IQCM: variants seen among roughly 807,000 people sequenced by gnomAD.
The protein encoded by IQCM is IQ domain-containing protein M.
Under a neutral mutation model 57.6 loss-of-function variants are expected in IQCM, and 45 were observed. The ratio of observed to expected loss-of-function variants is 0.78; its 90% confidence interval spans 0.62 to 1.00. IQCM has a LOEUF of 1.00. IQCM is among the 50% of genes least tolerant of loss of function. The probability of loss-of-function intolerance (pLI) is 0.00; values close to 1 mark genes in which losing one functional copy is unlikely to be tolerated. For missense variants in IQCM, 468 were observed against 511.6 expected (o/e 0.91, Z 0.82); for synonymous variants, 148 against 158.9 (o/e 0.93, Z 0.51).
chr4:149,756,456 C>G (rs1325211007), intron 2 of IQCM, among the ~76,000 whole-genome samples: 1 of 151,978 alleles, frequency 6.6e-6, no homozygotes, highest in Admixed American at 6.6e-5. Flanking sequence ...CAAAGACTTT[C>G]CAAAATACTA....
chr4:149,508,673 G>T (rs1195319169), intron 12 of IQCM, among the ~76,000 whole-genome samples: 1 of 152,220 alleles, frequency 6.6e-6, no homozygotes, highest in African/African-American at 2.4e-5. Flanking sequence ...CCTTGCCTCA[G>T]ATGAGACTTT....
At chr4:149,368,878 GTGTA>G (rs1292838091) in intron 13 of IQCM, among the ~76,000 whole-genome samples, 5 of 40,176 alleles carry the variant, frequency 1.2e-4, no homozygotes, top group Non-Finnish European at 2.1e-4. Context: ...ATATATACAC[GTGTA>G]TATATATGTA....
intron 12 of IQCM, among the ~76,000 whole-genome samples, chr4:149,513,579 T>A (rs1001551849): frequency 2.6e-5 from 4 of 152,188 alleles, no homozygotes; most frequent in African/African-American, 9.6e-5. Flanking sequence ...CAACTCATAG[T>A]GTTAATGAAA....
chr4:149,536,933 G>T (rs149672117), intron 12 of IQCM, among the ~76,000 whole-genome samples: 2 of 151,936 alleles, frequency 1.3e-5, no homozygotes, highest in East Asian at 3.9e-4. Context: ...AAAAGTTGTC[G>T]ACACCACTGC....
Position 149,621,909 on chromosome 4 carries a change from C to T in IQCM, c.566-665G>A, listed in dbSNP as rs919476963. 1.9e-4 allele frequency among the ~76,000 whole-genome samples: 29 copies of T among 152,106 alleles called. 1 individual carries two copies. The highest frequency in any genetic ancestry group is 1.2e-3 in the Admixed American group (19 of 15,280). ...AGGAAATTCAGTTCAATCCTGCCAT[C>T]GAAATGAATCAAACTATTTTCATAT... On this transcript the variant is annotated intron_variant, in intron 7 of 13. Transcript: ENST00000636793.
At chr4:149,623,946 T>G (rs1756570173) in intron 7 of IQCM, among the ~76,000 whole-genome samples, 2 of 152,216 alleles carry the variant, frequency 1.3e-5, no homozygotes, top group African/African-American at 4.8e-5. Context: ...GTAGCTAGTG[T>G]TGAACATAAA....
chr4:149,735,344 A>C, intron 4 of IQCM, 32 bp downstream of exon 4: 1 of 1,133,084 alleles, frequency 8.8e-7, no homozygotes, highest in Non-Finnish European at 1.1e-6. Context: ...AAAATTTTAA[A>C]ATGTAACATT....
chr4:149,609,992 C>T (rs1755134716), intron 8 of IQCM, among the ~76,000 whole-genome samples: 1 of 151,706 alleles, frequency 6.6e-6, no homozygotes, highest in Admixed American at 6.6e-5. Context: ...ATAAGCACTC[C>T]ACCAAAAAAA....
chr4:149,555,545 T>C (rs533183729), intron 10 of IQCM, among the ~76,000 whole-genome samples: 3 of 152,354 alleles, frequency 2.0e-5, no homozygotes, highest in Non-Finnish European at 1.5e-5. Context: ...GGATTCAGTG[T>C]CTGCATCAAA....
At chr4:149,607,864 A>G (rs1314278931) in intron 8 of IQCM, among the ~76,000 whole-genome samples, 2 of 151,954 alleles carry the variant, frequency 1.3e-5, no homozygotes, top group Admixed American at 6.6e-5. Context: ...GGAAGGAAGG[A>G]AGGGAGGGAG....
intron 12 of IQCM, among the ~76,000 whole-genome samples, chr4:149,463,732 G>A (rs150707251): frequency 2.1e-4 from 32 of 152,188 alleles, no homozygotes; most frequent in African/African-American, 7.2e-4. Flanking sequence ...TTTACAAGAT[G>A]CCTATAACAT....
intron 12 of IQCM, among the ~76,000 whole-genome samples, chr4:149,517,999 CT>C (rs1459077208): frequency 6.6e-6 from 1 of 152,110 alleles, no homozygotes; most frequent in African/African-American, 2.4e-5. Flanking sequence ...CTAGAGACCC[CT>C]AATACAGAGG....
chr4:149,550,450 A>G (rs1277493619), intron 11 of IQCM, among the ~76,000 whole-genome samples: 4 of 152,182 alleles, frequency 2.6e-5, no homozygotes, highest in Non-Finnish European at 2.9e-5. Context: ...AAGTAAATGT[A>G]TTTCTCCTTG....
At chr4:149,387,376 T>G (rs1178033223) in intron 13 of IQCM, among the ~76,000 whole-genome samples, 1 of 152,016 alleles carries the variant, frequency 6.6e-6, no homozygotes, top group East Asian at 1.9e-4. Flanking sequence ...GACTTTCCGA[T>G]CATAGCAGGT....
chr4:149,781,029 TATATAG>T (rs1319210489), intron 2 of IQCM, among the ~76,000 whole-genome samples: 1 of 152,160 alleles, frequency 6.6e-6, no homozygotes, highest in African/African-American at 2.4e-5. Context: ...AAGAGTTATT[TATATAG>T]ATATAATCAT....
intron 5 of IQCM, among the ~76,000 whole-genome samples, chr4:149,688,824 A>C (rs1043686004): frequency 1.3e-5 from 2 of 151,956 alleles, no homozygotes; most frequent in African/African-American, 4.8e-5. Flanking sequence ...TCTGATCTTC[A>C]ACAAAGCAAA....
intron 12 of IQCM, among the ~76,000 whole-genome samples, chr4:149,528,210 T>A (rs1353545828): frequency 6.6e-6 from 1 of 152,062 alleles, no homozygotes; most frequent in Non-Finnish European, 1.5e-5. Context: ...GGTCTTGAAC[T>A]ACTGACCTCA....
At chr4:149,688,453 A>C (rs566025276) in intron 5 of IQCM, among the ~76,000 whole-genome samples, 14 of 152,104 alleles carry the variant, frequency 9.2e-5, no homozygotes, top group Admixed American at 2.6e-4. Flanking sequence ...GAAATCATAC[A>C]TGACACAAAA....
chr4:149,596,846 T>C (rs1379013857), intron 8 of IQCM, among the ~76,000 whole-genome samples: 1 of 152,134 alleles, frequency 6.6e-6, no homozygotes, highest in Non-Finnish European at 1.5e-5. Flanking sequence ...GTAAAAGCAA[T>C]TTTATCAATC....
Sources: allele counts gnomAD v4.1 joint callset (sites outside exome capture counted in the v4.1 genomes callset), GRCh38; gene constraint gnomAD v4.1.1; transcripts MANE v1.5; gene names NCBI Gene and HGNC (gene_info 2026-07-23, HGNC 2026-07-21).